CTDSPL: variants seen among roughly 807,000 people sequenced by gnomAD.
The protein encoded by CTDSPL is CTD small phosphatase like.
Under a neutral mutation model 30.5 loss-of-function variants are expected in CTDSPL, and 8 were observed. That is an observed-to-expected ratio of 0.26 (90% CI 0.15 to 0.47). The LOEUF (loss-of-function observed/expected upper bound fraction) is 0.47. CTDSPL is among the 20% of genes least tolerant of loss of function. The pLI is 0.99. For synonymous variants in CTDSPL, 110 were observed against 137.9 expected, an observed-to-expected ratio of 0.80 and a Z score of 1.42; for missense variants, 248 against 366.1, an observed-to-expected ratio of 0.68 and a Z score of 2.63.
chr3:37,924,070 GGAGT>G (rs1280303919), intron 1 of CTDSPL, among the ~76,000 whole-genome samples: 1 of 152,192 alleles, frequency 6.6e-6, no homozygotes, highest in Non-Finnish European at 1.5e-5. Flanking sequence ...TTGAAAACTG[GGAGT>G]GAGGACAACA....
intron 2 of CTDSPL, among the ~76,000 whole-genome samples, chr3:37,955,944 G>A (rs534162916): frequency 1.6e-4 from 25 of 152,308 alleles, no homozygotes; most frequent in African/African-American, 5.8e-4. Flanking sequence ...AAGAGCTTCT[G>A]AAATGAATTT....
intron 1 of CTDSPL, among the ~76,000 whole-genome samples, chr3:37,891,218 T>C (rs1278634675): frequency 1.3e-5 from 2 of 152,140 alleles, no homozygotes; most frequent in African/African-American, 4.8e-5. Flanking sequence ...TTTCCATACA[T>C]CACCACCGCT....
intron 6 of CTDSPL, among the ~76,000 whole-genome samples, chr3:37,973,197 T>A (rs943498368): frequency 6.6e-6 from 1 of 152,236 alleles, no homozygotes; most frequent in Non-Finnish European, 1.5e-5. Flanking sequence ...CCCCAGTGGG[T>A]AATCTTTCAG....
At chr3:37,969,361 C>T in intron 5 of CTDSPL, 1 of 507,516 alleles carries the variant, frequency 2.0e-6, no homozygotes, top group Non-Finnish European at 4.1e-6. Flanking sequence ...GGAATGAAGC[C>T]ACAGGAGCCA....
At chr3:37,884,787 G>C (rs774204571) in intron 1 of CTDSPL, among the ~76,000 whole-genome samples, 58 of 151,726 alleles carry the variant, frequency 3.8e-4, no homozygotes, top group Non-Finnish European at 1.3e-4. Context: ...GAGCTGGAGA[G>C]AAGGGAAAAT....
rs142147438 is a variant in CTDSPL at position 37,917,788 on chromosome 3, A to G, written c.80-29269A>G. 9.8e-5 allele frequency among the ~76,000 whole-genome samples: 15 copies of G among 152,322 alleles called. No homozygotes were observed. The East Asian group carries it at 2.9e-3, about 29-fold the overall frequency. ...ATTTGAGTATCCAGGCACTGCGGAT[A>G]TGAGCATACATGTGTTGAATAATAT... On this transcript the variant is annotated intron_variant, in intron 1 of 7. Transcript: ENST00000273179.
intron 1 of CTDSPL, among the ~76,000 whole-genome samples, chr3:37,912,556 TGGG>T (rs1379153635): frequency 6.6e-6 from 1 of 152,108 alleles, no homozygotes; most frequent in Non-Finnish European, 1.5e-5. Context: ...AGCTGTGTGT[TGGG>T]GGGTATGCGG....
chr3:37,910,238 G>T (rs1479461591), intron 1 of CTDSPL, among the ~76,000 whole-genome samples: 1 of 152,152 alleles, frequency 6.6e-6, no homozygotes, highest in African/African-American at 2.4e-5. Context: ...CCAGCACTTT[G>T]AGAAGCCAAG....
chr3:37,925,846 C>T (rs1698775373), intron 1 of CTDSPL, among the ~76,000 whole-genome samples: 1 of 152,022 alleles, frequency 6.6e-6, no homozygotes, highest in Admixed American at 6.6e-5. Context: ...CACAGACACA[C>T]ACACACACAC....
intron 2 of CTDSPL, among the ~76,000 whole-genome samples, chr3:37,953,045 T>G (rs1459459631): frequency 1.3e-5 from 2 of 152,242 alleles, no homozygotes; most frequent in Non-Finnish European, 2.9e-5. Flanking sequence ...TTTAATAACA[T>G]TTTATTTAAT....
chr3:37,922,238 G>GA lies in CTDSPL; in HGVS notation c.80-24808dup, dbSNP rs929624159. On this transcript the variant is annotated intron_variant, in intron 1 of 7. Coordinates refer to ENST00000273179, the MANE Select transcript of CTDSPL (RefSeq NM_001008392.2). ...CAACAGAGCAAGACTCTGTCTCAAG[G>GA]AAAAAAAAAAAGAGTACCCACACAG... is the stretch of plus-strand genomic sequence containing the variant. Among the ~76,000 whole-genome samples, 154 of 144,634 alleles carry GA rather than the reference G, an allele frequency of 1.1e-3. 1 individual carries two copies. Among genetic ancestry groups the GA allele is most frequent in the South Asian group, 4.2e-3 (19 of 4,540 alleles). The allele number at this position is 144,634 out of a possible 152,430, so 94.9% of individuals were successfully genotyped here. A position where few individuals can be genotyped will look rare whatever the true frequency, so the allele number is the denominator to read the frequency against.
At chr3:37,936,644 C>T (rs77042265) in intron 1 of CTDSPL, among the ~76,000 whole-genome samples, 1,960 of 144,224 alleles carry the variant, frequency 0.014, 26 homozygotes, top group Non-Finnish European at 0.021. Flanking sequence ...AAGAGTTCCT[C>T]CTCTCCCCAG....
intron 1 of CTDSPL, among the ~76,000 whole-genome samples, chr3:37,942,675 T>C (rs1298647244): frequency 2.0e-5 from 3 of 150,168 alleles, no homozygotes; most frequent in Non-Finnish European, 4.5e-5. Context: ...GAGTGCTTGC[T>C]CTATGCTAGG....
chr3:37,925,584 C>T (rs1018239213), intron 1 of CTDSPL, among the ~76,000 whole-genome samples: 3 of 152,178 alleles, frequency 2.0e-5, no homozygotes, highest in African/African-American at 7.2e-5. Flanking sequence ...AGGCCTCAAA[C>T]TTGTTTTAAT....
At chr3:37,867,106 C>T (rs921297902) in intron 1 of CTDSPL, among the ~76,000 whole-genome samples, 3 of 151,752 alleles carry the variant, frequency 2.0e-5, no homozygotes, top group African/African-American at 7.2e-5. Flanking sequence ...CACACTGCTT[C>T]CCTCCCATGC....
chr3:37,954,953 T>G (rs193227403), intron 2 of CTDSPL: 28 of 152,250 alleles, frequency 1.8e-4, no homozygotes, highest in African/African-American at 6.8e-4. Context: ...TCCTTCTAGA[T>G]CAGCACCTTT....
intron 2 of CTDSPL, among the ~76,000 whole-genome samples, chr3:37,948,805 T>TTGC (rs1699072406): frequency 7.1e-6 from 1 of 140,728 alleles, no homozygotes; most frequent in Non-Finnish European, 1.5e-5. Context: ...ATTTTCCAGC[T>TTGC]TTCTTTTTTT....
At chr3:37,904,978 G>T (rs1004995199) in intron 1 of CTDSPL, among the ~76,000 whole-genome samples, 85 of 152,144 alleles carry the variant, frequency 5.6e-4, no homozygotes, top group African/African-American at 2.0e-3. Flanking sequence ...CTGCCTACAA[G>T]AAACAGAAGG....
At chr3:37,916,458 A>C (rs1039187416) in intron 1 of CTDSPL, among the ~76,000 whole-genome samples, 1 of 152,218 alleles carries the variant, frequency 6.6e-6, no homozygotes, top group Non-Finnish European at 1.5e-5. Flanking sequence ...TAAGTAGTTA[A>C]GGTAAGGTCG....
Sources: gnomAD v4.1 joint callset for allele counts (sites outside exome capture counted in the v4.1 genomes callset) on GRCh38, gnomAD v4.1.1 for gene constraint, MANE v1.5 for transcripts, NCBI Gene and HGNC (gene_info 2026-07-23, HGNC 2026-07-21) for gene names.